Variants in SMC5 observed in about 807,000 individuals in gnomAD.
SMC5 encodes structural maintenance of chromosomes protein 5.
In SMC5, 88 loss-of-function variants were observed where a neutral mutation model predicts 148.3. The ratio of observed to expected loss-of-function variants is 0.59; its 90% CI spans 0.50 to 0.71. The LOEUF (loss-of-function observed/expected upper bound fraction) is 0.71, where lower values mean the gene tolerates loss of function less well. SMC5 is among the 30% of genes least tolerant of loss of function. The probability of loss-of-function intolerance (pLI) is 0.00; values close to 1 mark genes in which losing one functional copy is unlikely to be tolerated. For missense variants in SMC5, 1,142 were observed against 1,298.9 expected (o/e 0.88, Z 1.86); for synonymous variants, 421 against 432.8 (o/e 0.97, Z 0.34).
intron 6 of SMC5, among the ~76,000 whole-genome samples, chr9:70,281,497 G>T (rs1385959329): frequency 1.3e-5 from 2 of 152,118 alleles, no homozygotes; most frequent in Non-Finnish European, 2.9e-5. Context: ...TTAAATCTTT[G>T]GGTGTCCTCA....
intron 24 of SMC5, 22 bp from the exon 25 acceptor site, chr9:70,352,169 C>T (rs1254835034): frequency 1.9e-6 from 3 of 1,591,314 alleles, no homozygotes; most frequent in Admixed American, 1.8e-5. Flanking sequence ...GCTTATATGA[C>T]AATTTGTTTT....
At chr9:70,286,405 AAAGT>A (rs1372179179) in intron 8 of SMC5, 134 bp downstream of exon 8, 1 of 594,004 alleles carries the variant, frequency 1.7e-6, no homozygotes, top group Non-Finnish European at 2.9e-6. Flanking sequence ...AATCCGAGGG[AAAGT>A]AAGATTTGGA....
Position 70,280,742 on chromosome 9 carries a change from A to G in SMC5, c.679-17A>G, listed in dbSNP as rs1290306513. On this transcript the variant is annotated splice_polypyrimidine_tract_variant and intron_variant, in intron 5 of 24. Transcript: ENST00000361138. ...TTTTTTCTGTCAAACTGATTGTTCA[A>G]CATATATTTATTGTAGACCTCATGC... 6 of 1,598,462 alleles carry G rather than the reference A, an allele frequency of 3.8e-6. No homozygotes were observed. The highest frequency in any genetic ancestry group is 1.1e-5 in the South Asian group (1 of 88,782).
In SMC5 at chr9:70,317,058, G is replaced by A. The variant is rs181382365; in HGVS notation, c.1807-1456G>A. ...TGATATACTTTTCAGACATCTGTAT[G>A]TACAAGAAAACCCAAGTTAGAAAGT... On this transcript the variant is annotated intron_variant, in intron 13 of 24. Transcript: ENST00000361138. Among the ~76,000 whole-genome samples, 7 of 152,090 alleles carry A rather than the reference G, an allele frequency of 4.6e-5. No individual in the cohort carries two copies. The East Asian group carries it at 1.2e-3, about 25-fold the overall frequency.
intron 17 of SMC5, among the ~76,000 whole-genome samples, chr9:70,324,918 C>A (rs532910216): frequency 6.6e-6 from 1 of 152,286 alleles, no homozygotes; most frequent in Non-Finnish European, 1.5e-5. Flanking sequence ...TTTCTTTACT[C>A]TTTTCTTGTG....
chr9:70,323,572 C>T lies in SMC5; in HGVS notation c.2240C>T (p.Ala747Val), dbSNP rs760378911. ...ATCAAAGAAATAAATGTTCAAAAAG[C>T]GAAACTTGTTACCGAATTAACAAAC... Reference protein sequence around the residue: ...TKIKEINVQKAKLVTELTNLI... With the variant: ...TKIKEINVQKVKLVTELTNLI... The change falls in exon 16 of 25, where the codon GCG becomes GTG. Residue 747 changes from alanine (A) to valine (V), a missense_variant. Physicochemically the swap from Ala to Val is moderately conservative, Grantham distance 64. Coordinates refer to ENST00000361138, the MANE Select transcript of SMC5 (RefSeq NM_015110.4). 9.3e-6 allele frequency: 15 copies of T among 1,610,990 alleles called. No individual in the cohort carries two copies. The highest frequency in any genetic ancestry group is 1.7e-5 in the Admixed American group (1 of 59,590).
chr9:70,336,062 C>T (rs1411635148), intron 17 of SMC5, among the ~76,000 whole-genome samples: 3 of 152,156 alleles, frequency 2.0e-5, no homozygotes, highest in Non-Finnish European at 1.5e-5. Flanking sequence ...TATTATTCTA[C>T]TTCACCAGAG....
At chr9:70,326,460 T>C (rs2036078461) in intron 17 of SMC5, among the ~76,000 whole-genome samples, 1 of 152,076 alleles carries the variant, frequency 6.6e-6, no homozygotes, top group Non-Finnish European at 1.5e-5. Flanking sequence ...TGCTATGCAG[T>C]GATATATATA....
chr9:70,286,384 C>A, intron 8 of SMC5, 113 bp downstream of exon 8: 1 of 647,946 alleles, frequency 1.5e-6, no homozygotes, highest in East Asian at 2.8e-5. Context: ...CCTCTGCATT[C>A]TCTATTTCTT....
chr9:70,322,961 T>C (rs2035986457), intron 15 of SMC5, among the ~76,000 whole-genome samples: 1 of 152,170 alleles, frequency 6.6e-6, no homozygotes, highest in Non-Finnish European at 1.5e-5. Flanking sequence ...TTCCAACTTA[T>C]CTCCCTCCCC....
intron 11 of SMC5, among the ~76,000 whole-genome samples, chr9:70,310,517 C>T (rs751269814): frequency 3.9e-5 from 6 of 152,014 alleles, no homozygotes; most frequent in South Asian, 2.1e-4. Context: ...TTACAGAGCA[C>T]GGGCAGAGTA....
intron 22 of SMC5, 96 bp from the exon 23 acceptor site, chr9:70,350,015 GTTC>G: frequency 1.4e-6 from 1 of 717,620 alleles, no homozygotes. Context: ...TAAATTTTGA[GTTC>G]TTTACTCTTA....
intron 8 of SMC5, among the ~76,000 whole-genome samples, chr9:70,297,509 ATTTTGGATTTGGGAT>A (rs2035233488): frequency 6.6e-6 from 1 of 152,226 alleles, no homozygotes; most frequent in Non-Finnish European, 1.5e-5. Flanking sequence ...ATTTTGGAGA[ATTTTGGATTTGGGAT>A]TTTTGGATTA....
At chr9:70,322,717 T>C (rs1238934446) in intron 15 of SMC5, among the ~76,000 whole-genome samples, 1 of 152,006 alleles carries the variant, frequency 6.6e-6, no homozygotes, top group East Asian at 1.9e-4. Context: ...GCGCCTGTAA[T>C]CCCAGCTTCT....
Position 70,300,048 on chromosome 9 carries a change from G to A in SMC5, c.1312G>A (p.Val438Met). The A allele has an allele frequency of 1.3e-6, 2 of 1,563,374 alleles. No individual in the cohort carries two copies. The highest frequency in any genetic ancestry group is 1.2e-5 in the South Asian group (1 of 82,768). Residue 438 changes from valine to methionine, a missense_variant and splice_region_variant, in exon 10 of 25, where the codon GTG becomes ATG. Coordinates refer to ENST00000361138, the MANE Select transcript of SMC5 (RefSeq NM_015110.4). Reference protein sequence around the residue: ...RETLEKEKKSVDDHIVRFDNL... With the variant: ...RETLEKEKKSMDDHIVRFDNL... ...TTTGTTTTGTTTTACAATTTTAGGT[G>A]TGGACGATCATATTGTACGTTTTGA...
chr9:70,259,150 T>G lies in SMC5; in HGVS notation c.72T>G (p.Pro24=). The change falls in exon 1 of 25, where the codon CCT becomes CCG. Residue 24 remains proline, a synonymous_variant. Transcript: ENST00000361138. Reference sequence around the variant, plus strand: ...CCAAGAGAGCTCTCCCGAGAGACCCTTCGTCGGAGGTCCCGAGCAAGAGGA... The same window carrying G: ...CCAAGAGAGCTCTCCCGAGAGACCCGTCGTCGGAGGTCCCGAGCAAGAGGA... The part of the protein sequence containing the change: ...QPSKRALPRD[P]SSEVPSKRKN... The G allele has an allele frequency of 6.2e-7, 1 of 1,612,622 alleles. No homozygotes were observed. The highest frequency in any genetic ancestry group is 8.5e-7 in the Non-Finnish European group (1 of 1,179,378).
chr9:70,278,944 G>A (rs1001363081), intron 5 of SMC5, among the ~76,000 whole-genome samples: 1 of 152,098 alleles, frequency 6.6e-6, no homozygotes, highest in Non-Finnish European at 1.5e-5. Flanking sequence ...CACCTACTAT[G>A]TGCCAGGCAC....
chr9:70,339,015 T>A (rs989418897), intron 17 of SMC5, among the ~76,000 whole-genome samples: 4 of 152,212 alleles, frequency 2.6e-5, no homozygotes, highest in Non-Finnish European at 5.9e-5. Context: ...TAAAATTTTT[T>A]AATGCTTTTC....
At chr9:70,261,796 T>C (rs2034144588) in intron 1 of SMC5, among the ~76,000 whole-genome samples, 1 of 152,154 alleles carries the variant, frequency 6.6e-6, no homozygotes, top group South Asian at 2.1e-4. Context: ...CAGAAGGAAC[T>C]ATTCAGGGAG....
Sources: allele counts gnomAD v4.1 joint callset (sites outside exome capture counted in the v4.1 genomes callset), GRCh38; gene constraint gnomAD v4.1.1; transcripts MANE v1.5; gene names NCBI Gene and HGNC (gene_info 2026-07-23, HGNC 2026-07-21).